SEL1L3: variants seen among roughly 807,000 people sequenced by gnomAD.
SEL1L3 encodes the protein SEL1L family member 3, also known as protein sel-1 homolog 3.
Under a neutral mutation model 142.8 loss-of-function variants are expected in SEL1L3, and 76 were observed. That is an observed-to-expected ratio of 0.53 (90% CI 0.44 to 0.64). SEL1L3 has a LOEUF of 0.64. Ranked by LOEUF, SEL1L3 falls within the 30% of genes least tolerant of loss-of-function variation. The pLI, the probability that SEL1L3 is intolerant of heterozygous loss-of-function variation, is 0.00. For missense variants in SEL1L3, 1,262 were observed against 1,381.7 expected (o/e 0.91, Z 1.37); for synonymous variants, 504 against 519.6 (o/e 0.97, Z 0.41).
At chr4:25,812,175 A>G (rs1225417842) in intron 9 of SEL1L3, among the ~76,000 whole-genome samples, 1 of 152,018 alleles carries the variant, frequency 6.6e-6, no homozygotes, top group African/African-American at 2.4e-5. Context: ...ATGACCACAC[A>G]TGGCGTGTTT....
chr4:25,852,067 T>C (rs182415847), intron 1 of SEL1L3, among the ~76,000 whole-genome samples: 46 of 152,190 alleles, frequency 3.0e-4, no homozygotes, highest in African/African-American at 1.1e-3. Flanking sequence ...GAGGTTTAAT[T>C]GTTTTATGTT....
chr4:25,719,352 T>C, the SEL1L3 span: 14 of 152,278 alleles, frequency 9.2e-5, no homozygotes, highest in African/African-American at 3.4e-4. Flanking sequence ...TGGGTGATGA[T>C]ACTTAGGGTA....
chr4:25,739,941 T>C, the SEL1L3 span, among the ~76,000 whole-genome samples: 2 of 151,980 alleles, frequency 1.3e-5, no homozygotes, highest in Middle Eastern at 6.8e-3. Context: ...CATCAATGTA[T>C]TTTTTAACTG....
chr4:25,773,416 T>A (rs964101974), intron 17 of SEL1L3: 3 of 152,088 alleles, frequency 2.0e-5, no homozygotes, highest in Admixed American at 2.0e-4. Context: ...TTATTGTCAC[T>A]CTTTGGAGGT....
chr4:25,767,686 A>G, intron 18 of SEL1L3, 54 bp downstream of exon 18: 1 of 1,481,846 alleles, frequency 6.7e-7, no homozygotes, highest in Non-Finnish European at 9.3e-7. Context: ...ATAAAACCCA[A>G]TTCATTATCC....
At chr4:25,722,514 AG>A in the SEL1L3 span, among the ~76,000 whole-genome samples, 2 of 152,154 alleles carry the variant, frequency 1.3e-5, no homozygotes, top group Non-Finnish European at 2.9e-5. Flanking sequence ...AGCTGCGCAA[AG>A]TCAGACATAA....
At chr4:25,766,029 T>C (rs1274302645) in intron 19 of SEL1L3, among the ~76,000 whole-genome samples, 1 of 152,222 alleles carries the variant, frequency 6.6e-6, no homozygotes, top group Non-Finnish European at 1.5e-5. Context: ...AAGGTTGTTT[T>C]GGGTGTTTTA....
intron 1 of SEL1L3, among the ~76,000 whole-genome samples, chr4:25,854,061 A>G (rs935394397): frequency 6.6e-5 from 10 of 152,184 alleles, no homozygotes; most frequent in Non-Finnish European, 1.3e-4. Context: ...TCAACTGGAT[A>G]GTGCTATTCT....
At chr4:25,752,455 A>G (rs1306079319) in intron 23 of SEL1L3, among the ~76,000 whole-genome samples, 1 of 151,946 alleles carries the variant, frequency 6.6e-6, no homozygotes, top group African/African-American at 2.4e-5. Context: ...TGTTTTAGAA[A>G]GAGTCCTAAC....
At chr4:25,828,485 C>G (rs1290393868) in intron 6 of SEL1L3, among the ~76,000 whole-genome samples, 5 of 150,110 alleles carry the variant, frequency 3.3e-5, no homozygotes, top group African/African-American at 1.2e-4. Flanking sequence ...CTCTCAGGTT[C>G]AAGCAATTCT....
intron 23 of SEL1L3, among the ~76,000 whole-genome samples, chr4:25,752,108 C>CCGA: frequency 1.0e-5 from 1 of 99,418 alleles, no homozygotes; most frequent in East Asian, 2.9e-4. Flanking sequence ...GACTCCATCT[C>CCGA]AAAAAAAAAA....
At chr4:25,841,492 C>G (rs1716163954) in intron 2 of SEL1L3, among the ~76,000 whole-genome samples, 1 of 152,222 alleles carries the variant, frequency 6.6e-6, no homozygotes, top group Admixed American at 6.5e-5. Flanking sequence ...AGCTTCATGA[C>G]ATCACCTGGT....
chr4:25,717,716 A>G, the SEL1L3 span, among the ~76,000 whole-genome samples: 1 of 152,204 alleles, frequency 6.6e-6, no homozygotes, highest in Non-Finnish European at 1.5e-5. Context: ...GCTAAGAAGC[A>G]AAGATGTTTT....
At chr4:25,731,951 G>A in the SEL1L3 span, among the ~76,000 whole-genome samples, 1 of 152,138 alleles carries the variant, frequency 6.6e-6, no homozygotes, top group Non-Finnish European at 1.5e-5. Context: ...GTGCGTGTCT[G>A]TAATCCCAGC....
rs755725377 is a variant in SEL1L3, at chr4:25,848,392, CATGAT to C, written c.163-533_163-529del. ...TAAGTTTGAAGCCAGGGCAAGCCTG[CATGAT>C]ATATGGACAGGCAAGAGGCTTCTAT... On this transcript the variant is annotated intron_variant, in intron 1 of 23. Coordinates refer to ENST00000399878, the MANE Select transcript of SEL1L3 (RefSeq NM_015187.5). Among the ~76,000 whole-genome samples the C allele has an allele frequency of 7.2e-5, 11 of 152,344 alleles. No individual in the cohort carries two copies. The South Asian group carries it at 2.3e-3, about 32-fold the overall frequency.
chr4:25,759,087 C>A lies in SEL1L3; in HGVS notation c.2956-19G>T. On this transcript the variant is annotated intron_variant, in intron 20 of 23. Coordinates refer to ENST00000399878, the MANE Select transcript of SEL1L3 (RefSeq NM_015187.5). Reference sequence around the variant, plus strand: ...AAAATCCCTAAAAACAAGCCACAAACCAAACTCATCAAATCCTTGAAATAA... The same window carrying A: ...AAAATCCCTAAAAACAAGCCACAAAACAAACTCATCAAATCCTTGAAATAA... 3.7e-6 allele frequency: 6 copies of A among 1,611,064 alleles called. No individual in the cohort carries two copies. Among genetic ancestry groups the A allele is most frequent in the Non-Finnish European group, 4.2e-6 (5 of 1,178,708 alleles).
intron 17 of SEL1L3, among the ~76,000 whole-genome samples, chr4:25,770,754 A>AAG (rs1553865422): frequency 6.2e-4 from 93 of 150,710 alleles, no homozygotes; most frequent in African/African-American, 2.1e-3. Flanking sequence ...AAAAAAAAAA[A>AAG]AAAAGAAAAG....
chr4:25,822,420 A>C (rs568555653), intron 6 of SEL1L3, among the ~76,000 whole-genome samples: 31 of 152,348 alleles, frequency 2.0e-4, no homozygotes, highest in African/African-American at 7.2e-4. Context: ...GATTACGTGA[A>C]GTGTAAAGAT....
chr4:25,742,321 G>C, the SEL1L3 span, among the ~76,000 whole-genome samples: 1 of 151,560 alleles, frequency 6.6e-6, no homozygotes, highest in African/African-American at 2.4e-5. Context: ...GAGTATCTAG[G>C]ACCACAGACA....
Sources: gnomAD v4.1 joint callset for allele counts (sites outside exome capture counted in the v4.1 genomes callset) on GRCh38, gnomAD v4.1.1 for gene constraint, MANE v1.5 for transcripts, NCBI Gene and HGNC (gene_info 2026-07-23, HGNC 2026-07-21) for gene names.